Variants in PTPRD observed in about 807,000 individuals in gnomAD.
PTPRD encodes receptor-type tyrosine-protein phosphatase delta.
Under a neutral mutation model 214.5 loss-of-function variants are expected in PTPRD, and 34 were observed. The observed-to-expected ratio is 0.16, with a 90% CI of 0.12 to 0.21. PTPRD has a LOEUF of 0.21. Among genes scored for constraint, PTPRD ranks in the 10% least tolerant of loss-of-function variants. The pLI is 1.00. For synonymous variants in PTPRD, 1,128 were observed against 845.7 expected (o/e 1.33, Z -5.79); for missense variants, 2,545 against 2,398.7 (o/e 1.06, Z -1.27).
chr9:9,440,140 A>T (rs1045270224), intron 8 of PTPRD, among the ~76,000 whole-genome samples: 2 of 152,232 alleles, frequency 1.3e-5, no homozygotes, highest in Non-Finnish European at 2.9e-5. Flanking sequence ...AGCATTAGAT[A>T]AGAATCAGAA....
intron 2 of PTPRD, among the ~76,000 whole-genome samples, chr9:10,568,121 C>T (rs958147674): frequency 3.4e-5 from 5 of 146,142 alleles, no homozygotes; most frequent in Non-Finnish European, 7.5e-5. Flanking sequence ...CCCCCCTCCC[C>T]CCAGCCCACA....
At chr9:9,029,869 A>G (rs957635089) in intron 10 of PTPRD, among the ~76,000 whole-genome samples, 2 of 152,002 alleles carry the variant, frequency 1.3e-5, no homozygotes, top group Non-Finnish European at 2.9e-5. Flanking sequence ...GGTTAAATTG[A>G]TGAAAGACAT....
chr9:9,805,928 T>TA (rs917107684), intron 5 of PTPRD, among the ~76,000 whole-genome samples: 2 of 152,016 alleles, frequency 1.3e-5, no homozygotes, highest in African/African-American at 4.8e-5. Context: ...CAAAAAAACA[T>TA]AAAGTGAACC....
At chr9:10,278,323 G>A (rs1172398860) in intron 3 of PTPRD, among the ~76,000 whole-genome samples, 1 of 152,246 alleles carries the variant, frequency 6.6e-6, no homozygotes, top group African/African-American at 2.4e-5. Context: ...GTCTATGCCT[G>A]TCCTTAATAA....
intron 9 of PTPRD, among the ~76,000 whole-genome samples, chr9:9,288,816 C>T (rs887284651): frequency 2.0e-5 from 3 of 151,714 alleles, no homozygotes; most frequent in African/African-American, 2.4e-5. Flanking sequence ...CAGTTACCCT[C>T]GTGATGTTCT....
At chr9:9,822,521 T>C (rs2051149971) in intron 5 of PTPRD, among the ~76,000 whole-genome samples, 1 of 148,320 alleles carries the variant, frequency 6.7e-6, no homozygotes, top group Non-Finnish European at 1.5e-5. Flanking sequence ...ATATACATAA[T>C]ATATTATATA....
At chr9:8,322,674 C>T (rs1039760513) in intron 44 of PTPRD, among the ~76,000 whole-genome samples, 3 of 152,162 alleles carry the variant, frequency 2.0e-5, no homozygotes, top group South Asian at 2.1e-4. Context: ...AGTGCTGTTA[C>T]AGAAGCTGTA....
intron 2 of PTPRD, among the ~76,000 whole-genome samples, chr9:10,383,792 A>C (rs541841427): frequency 6.6e-6 from 1 of 151,864 alleles, no homozygotes; most frequent in East Asian, 1.9e-4. Context: ...GACTCTAATC[A>C]TAAGTTAGCA....
intron 11 of PTPRD, among the ~76,000 whole-genome samples, chr9:9,011,940 A>T (rs1341363711): frequency 1.3e-5 from 2 of 152,144 alleles, no homozygotes; most frequent in Non-Finnish European, 2.9e-5. Flanking sequence ...TCTAACCAAT[A>T]GAACTTGGTA....
At chr9:9,787,355 T>C (rs1008890978) in intron 5 of PTPRD, among the ~76,000 whole-genome samples, 3 of 150,032 alleles carry the variant, frequency 2.0e-5, no homozygotes, top group Non-Finnish European at 2.9e-5. Flanking sequence ...GTTTATGATA[T>C]ATGATGACAT....
At chr9:10,449,647 C>CAGCCCGTCTGGGATGTGAGGA (rs2098825383) in intron 2 of PTPRD, among the ~76,000 whole-genome samples, 1 of 150,572 alleles carries the variant, frequency 6.6e-6, no homozygotes, top group African/African-American at 2.5e-5. Flanking sequence ...TCTGCCCCGC[C>CAGCCCGTCTGGGATGTGAGGA]GCCCCGTCTG....
At chr9:8,430,624 G>A (rs1328512752) in intron 35 of PTPRD, among the ~76,000 whole-genome samples, 3 of 152,052 alleles carry the variant, frequency 2.0e-5, no homozygotes, top group Admixed American at 6.6e-5. Flanking sequence ...CTTTTAAAAT[G>A]TAGATTCTGA....
intron 31 of PTPRD, among the ~76,000 whole-genome samples, chr9:8,470,401 T>C (rs1456343451): frequency 6.6e-6 from 1 of 152,150 alleles, no homozygotes; most frequent in African/African-American, 2.4e-5. Flanking sequence ...CCACGTTATA[T>C]ATTTAGTATT....
Position 8,984,016 on chromosome 9 carries a change from G to A in PTPRD, c.-104+34681C>T, listed in dbSNP as rs377120628. 3.9e-4 allele frequency among the ~76,000 whole-genome samples: 59 copies of A among 152,110 alleles called. No homozygotes were observed. In the South Asian group the frequency reaches 0.012, roughly 31 times the overall value. ...TACACTGCAAATATATTTCTAAATAGTGGCAATTTCTATACTATAACGTAT... is the reference window on the plus strand; with the variant it reads ...TACACTGCAAATATATTTCTAAATAATGGCAATTTCTATACTATAACGTAT... On this transcript the variant is annotated intron_variant, in intron 11 of 45. Coordinates refer to ENST00000381196, the MANE Select transcript of PTPRD (RefSeq NM_002839.4).
Position 8,388,512 on chromosome 9 carries a change from T to TCAGGAATATGGTATACTGCTTACC in PTPRD, c.4386+696_4386+719dup, listed in dbSNP as rs1203326496. Among the ~76,000 whole-genome samples, 3 of 152,192 alleles carry TCAGGAATATGGTATACTGCTTACC rather than the reference T, an allele frequency of 2.0e-5. No homozygotes were observed. The East Asian group carries it at 5.8e-4, about 29-fold the overall frequency. On this transcript the variant is annotated intron_variant, in intron 37 of 45. Transcript: ENST00000381196. ...GATGCTACAAAATGTACACATGTAC[T>TCAGGAATATGGTATACTGCTTACC]CAGGAATATGGTATACTGCTTACCC...
At chr9:8,571,860 A>G (rs1360131127) in intron 14 of PTPRD, among the ~76,000 whole-genome samples, 2 of 152,110 alleles carry the variant, frequency 1.3e-5, no homozygotes, top group Non-Finnish European at 1.5e-5. Flanking sequence ...GTCCATCAAC[A>G]TGAAGCCAAA....
chr9:10,188,509 T>C (rs2099347955), intron 3 of PTPRD, among the ~76,000 whole-genome samples: 1 of 152,146 alleles, frequency 6.6e-6, no homozygotes, highest in Non-Finnish European at 1.5e-5. Context: ...AACTTAGTCT[T>C]CTTGGAAATA....
intron 11 of PTPRD, among the ~76,000 whole-genome samples, chr9:8,760,043 T>C (rs73421289): frequency 0.048 from 7,331 of 152,272 alleles, 444 homozygotes; most frequent in African/African-American, 0.14. Context: ...GTGGTGCTTG[T>C]AGCTGGAATC....
chr9:8,867,809 C>A lies in PTPRD; in HGVS notation c.-103-133863G>T, dbSNP rs2098225094. Among the ~76,000 whole-genome samples the A allele has an allele frequency of 2.0e-5, 3 of 152,272 alleles. No individual in the cohort carries two copies. In the South Asian group the frequency reaches 6.2e-4, roughly 32 times the overall value. ...CTGCCATAGGCCAACCTTGTAAAATCTTTATGGAAAACAATGGGCCTTAAT... is the reference window on the plus strand; with the variant it reads ...CTGCCATAGGCCAACCTTGTAAAATATTTATGGAAAACAATGGGCCTTAAT... On this transcript the variant is annotated intron_variant, in intron 11 of 45. Coordinates refer to ENST00000381196, the MANE Select transcript of PTPRD (RefSeq NM_002839.4).
Sources: allele counts gnomAD v4.1 joint callset (sites outside exome capture counted in the v4.1 genomes callset), GRCh38; gene constraint gnomAD v4.1.1; transcripts MANE v1.5; gene names NCBI Gene and HGNC (gene_info 2026-07-23, HGNC 2026-07-21).